STX18: variants seen among roughly 807,000 people sequenced by gnomAD.
STX18 encodes the protein syntaxin-18.
A neutral mutation model predicts 50.1 loss-of-function variants in STX18; 40 were observed. That is an observed-to-expected ratio of 0.80 (90% CI 0.62 to 1.04). The LOEUF is 1.04. Ranked by LOEUF, STX18 falls within the 50% of genes least tolerant of loss-of-function variation. The probability of loss-of-function intolerance (pLI) is 0.00; values close to 1 mark genes in which losing one functional copy is unlikely to be tolerated. For missense variants in STX18, 410 were observed against 415.8 expected, an observed-to-expected ratio of 0.99 and a Z score of 0.12; for synonymous variants, 158 against 151.8, an observed-to-expected ratio of 1.04 and a Z score of -0.30.
chr4:4,542,027 C>T lies in STX18; in HGVS notation c.-63G>A. 1.4e-6 allele frequency: 2 copies of T among 1,470,904 alleles called. No individual in the cohort carries two copies. The highest frequency in any genetic ancestry group is 1.8e-6 in the Non-Finnish European group (2 of 1,107,606). The allele number at this position is 1,470,904 out of a possible 1,614,324, so 91.1% of individuals were successfully genotyped here. A position where few individuals can be genotyped will look rare whatever the true frequency, so the allele number is the denominator to read the frequency against. On this transcript the variant is annotated 5_prime_UTR_variant, in exon 1 of 11. Coordinates refer to ENST00000306200, the MANE Select transcript of STX18 (RefSeq NM_016930.4). The stretch of plus-strand genomic sequence containing the variant: ...ACGTAAGCAGCCGGCGACCGCGGCG[C>T]GAACCCGGCCGCTGAAGGACTGGTC...
chr4:4,457,298 C>T (rs1371728192), intron 4 of STX18, 41 bp from the exon 5 acceptor site: 3 of 1,598,926 alleles, frequency 1.9e-6, no homozygotes, highest in South Asian at 1.1e-5. Context: ...CTGCTTAAAA[C>T]AGCTTCTCAG....
intron 6 of STX18, 33 bp from the exon 7 acceptor site, chr4:4,434,891 AAT>A (rs1267913412): frequency 1.3e-6 from 2 of 1,509,314 alleles, no homozygotes; most frequent in South Asian, 1.2e-5. Flanking sequence ...TAGAAGACCA[AAT>A]ATGTGTTTTA....
intron 1 of STX18, among the ~76,000 whole-genome samples, chr4:4,500,764 G>A (rs1057382623): frequency 6.6e-6 from 1 of 152,154 alleles, no homozygotes; most frequent in South Asian, 2.1e-4. Flanking sequence ...GGCCAGGCAC[G>A]GTGGCTCACA....
intron 1 of STX18, chr4:4,507,605 C>A: frequency 1.3e-6 from 1 of 764,940 alleles, no homozygotes. Context: ...ACTTGATCTT[C>A]CCAAGCGAAA....
chr4:4,528,286 A>AG (rs1407393179), intron 1 of STX18, among the ~76,000 whole-genome samples: 6 of 151,956 alleles, frequency 3.9e-5, no homozygotes, highest in Non-Finnish European at 7.4e-5. Flanking sequence ...CCAATATTGG[A>AG]GGGGGGGCCT....
At chr4:4,466,450 A>G (rs1441272645) in intron 2 of STX18, among the ~76,000 whole-genome samples, 1 of 152,188 alleles carries the variant, frequency 6.6e-6, no homozygotes, top group African/African-American at 2.4e-5. Flanking sequence ...CAGGCAGAGA[A>G]GGGATTTGAA....
chr4:4,441,750 C>T (rs563767738), intron 5 of STX18, among the ~76,000 whole-genome samples: 1 of 152,228 alleles, frequency 6.6e-6, no homozygotes, highest in East Asian at 1.9e-4. Flanking sequence ...CCGGAAAAAT[C>T]AACTATGAAA....
chr4:4,439,060 A>G (rs1725947520), intron 5 of STX18, among the ~76,000 whole-genome samples: 2 of 149,794 alleles, frequency 1.3e-5, no homozygotes, highest in Admixed American at 6.6e-5. Flanking sequence ...ACCCTCCCAC[A>G]TATATACCCA....
chr4:4,526,779 G>T (rs1190942134), intron 1 of STX18, among the ~76,000 whole-genome samples: 1 of 151,404 alleles, frequency 6.6e-6, no homozygotes, highest in Non-Finnish European at 1.5e-5. Flanking sequence ...GGTCAGCCTG[G>T]GCAACATAGT....
In STX18 at chr4:4,436,950, CTTTTTTTTT is replaced by C. The variant is rs34174730; in HGVS notation, c.613+1435_613+1443del. 6.6e-3 allele frequency among the ~76,000 whole-genome samples: 771 copies of C among 116,746 alleles called. 1 individual carries two copies. Among genetic ancestry groups the C allele is most frequent in the African/African-American group, 0.017 (490 of 29,212 alleles). 76.6% of individuals were successfully genotyped at this position (116,746 alleles called of 152,430 possible). A position where few individuals can be genotyped will look rare whatever the true frequency, so the allele number is the denominator to read the frequency against. Reference sequence around the variant, plus strand: ...TTTTATTTTTTCAGGTCCAGACTCACTTTTTTTTTTTTTTTTTTTTTTTTTTGAGACGGA... The same window carrying C: ...TTTTATTTTTTCAGGTCCAGACTCACTTTTTTTTTTTTTTTTTGAGACGGA... On this transcript the variant is annotated intron_variant, in intron 6 of 10. Transcript: ENST00000306200.
intron 1 of STX18, among the ~76,000 whole-genome samples, chr4:4,476,464 A>G (rs1728180381): frequency 6.6e-6 from 1 of 152,214 alleles, no homozygotes; most frequent in Admixed American, 6.5e-5. Context: ...ACCCTTAACC[A>G]TTACGGGGAA....
intron 6 of STX18, among the ~76,000 whole-genome samples, chr4:4,435,071 G>A (rs1725707178): frequency 6.6e-6 from 1 of 152,156 alleles, no homozygotes; most frequent in Non-Finnish European, 1.5e-5. Context: ...ACGTGCATGT[G>A]TGTGTGTGAT....
At chr4:4,446,279 C>A (rs1226668201) in intron 5 of STX18, among the ~76,000 whole-genome samples, 1 of 152,006 alleles carries the variant, frequency 6.6e-6, no homozygotes, top group East Asian at 1.9e-4. Context: ...AAAATAATAT[C>A]TTAGTGACCT....
At chr4:4,488,632 T>A (rs931178419) in intron 1 of STX18, among the ~76,000 whole-genome samples, 4 of 152,208 alleles carry the variant, frequency 2.6e-5, no homozygotes, top group Admixed American at 2.6e-4. Context: ...TACATCAAAA[T>A]GACAACAGCC....
chr4:4,448,444 C>T (rs1255702182), intron 5 of STX18, among the ~76,000 whole-genome samples: 2 of 151,902 alleles, frequency 1.3e-5, no homozygotes, highest in Non-Finnish European at 2.9e-5. Flanking sequence ...CAGGCTCAAA[C>T]GATTCTTGTG....
At chr4:4,438,323 T>G in intron 6 of STX18, 71 bp downstream of exon 6, 1 of 1,177,356 alleles carries the variant, frequency 8.5e-7, no homozygotes, top group South Asian at 1.3e-5. Flanking sequence ...GCTACTTCGT[T>G]CCTGTGCTGT....
intron 2 of STX18, among the ~76,000 whole-genome samples, chr4:4,463,424 T>C (rs900390424): frequency 1.3e-5 from 2 of 152,214 alleles, no homozygotes; most frequent in Non-Finnish European, 2.9e-5. Context: ...AAAATGTAGA[T>C]TTGGCCTGTG....
At chr4:4,456,763 G>A (rs535846813) in intron 5 of STX18, among the ~76,000 whole-genome samples, 2 of 152,330 alleles carry the variant, frequency 1.3e-5, no homozygotes, top group South Asian at 2.1e-4. Flanking sequence ...TTTCAGGGAC[G>A]ACAAGAAGGG....
intron 5 of STX18, among the ~76,000 whole-genome samples, chr4:4,440,480 C>T (rs1273174534): frequency 6.6e-6 from 1 of 152,190 alleles, no homozygotes; most frequent in Non-Finnish European, 1.5e-5. Flanking sequence ...AGCCCATGCT[C>T]GTAACAACTG....
Sources: allele counts gnomAD v4.1 joint callset (sites outside exome capture counted in the v4.1 genomes callset), GRCh38; gene constraint gnomAD v4.1.1; transcripts MANE v1.5; gene names NCBI Gene and HGNC (gene_info 2026-07-23, HGNC 2026-07-21).